Variants in FHIT observed in about 807,000 individuals in gnomAD.
FHIT encodes bis(5'-adenosyl)-triphosphatase.
FHIT carries 19 observed loss-of-function variants against 17.9 expected under a neutral mutation model. The ratio of observed to expected loss-of-function variants is 1.06; its 90% confidence interval spans 0.74 to 1.56. FHIT has a LOEUF of 1.56. Ranked by LOEUF, FHIT falls within the 40% of genes most tolerant of loss-of-function variation. FHIT has a pLI of 0.00. For missense variants in FHIT, 248 were observed against 189.2 expected (o/e 1.31, Z -1.82); for synonymous variants, 81 against 69.7 (o/e 1.16, Z -0.81).
At chr3:60,034,800 T>G (rs1326052768) in intron 5 of FHIT, among the ~76,000 whole-genome samples, 1 of 152,196 alleles carries the variant, frequency 6.6e-6, no homozygotes, top group Non-Finnish European at 1.5e-5. Flanking sequence ...AGAATGATAT[T>G]AAAGCCCTGG....
intron 4 of FHIT, among the ~76,000 whole-genome samples, chr3:60,664,670 G>A (rs1553692009): frequency 6.7e-6 from 1 of 148,866 alleles, no homozygotes; most frequent in African/African-American, 2.5e-5. Flanking sequence ...ATAGGACTAG[G>A]CTAGGGCTGT....
At chr3:60,650,026 A>G (rs1452538550) in intron 4 of FHIT, among the ~76,000 whole-genome samples, 2 of 152,236 alleles carry the variant, frequency 1.3e-5, no homozygotes, top group Non-Finnish European at 2.9e-5. Flanking sequence ...AATTAATTGT[A>G]GAACTTATCT....
intron 5 of FHIT, among the ~76,000 whole-genome samples, chr3:60,392,670 T>G (rs1043273301): frequency 6.6e-6 from 1 of 152,146 alleles, no homozygotes; most frequent in Non-Finnish European, 1.5e-5. Context: ...CCAAGTGAGA[T>G]TAATGTCCTG....
intron 5 of FHIT, among the ~76,000 whole-genome samples, chr3:60,282,719 C>G (rs144370284): frequency 3.9e-5 from 6 of 152,042 alleles, no homozygotes; most frequent in African/African-American, 1.4e-4. Flanking sequence ...TATGGTAAGT[C>G]TCTCAACTAT....
At chr3:60,818,355 C>CTT (rs1701807727) in intron 4 of FHIT, among the ~76,000 whole-genome samples, 1 of 152,064 alleles carries the variant, frequency 6.6e-6, no homozygotes, top group Non-Finnish European at 1.5e-5. Context: ...GAGCTTCAAT[C>CTT]CTGTTATAGT....
At chr3:60,370,103 T>C (rs1700264975) in intron 5 of FHIT, among the ~76,000 whole-genome samples, 1 of 152,206 alleles carries the variant, frequency 6.6e-6, no homozygotes, top group African/African-American at 2.4e-5. Context: ...TCCTCACACC[T>C]GGTGCCATTT....
At chr3:60,298,259 C>T (rs1708299962) in intron 5 of FHIT, among the ~76,000 whole-genome samples, 1 of 152,070 alleles carries the variant, frequency 6.6e-6, no homozygotes, top group Non-Finnish European at 1.5e-5. Flanking sequence ...AGACCCTCTC[C>T]CCTCCCTAGA....
rs188429494 is a variant in FHIT, at chr3:60,022,925, A to T, written c.104-8773T>A. Among the ~76,000 whole-genome samples the T allele has an allele frequency of 1.4e-4, 21 of 152,296 alleles. 1 individual carries two copies. The highest frequency in any genetic ancestry group is 1.4e-3 in the Admixed American group (21 of 15,296). On this transcript the variant is annotated intron_variant, in intron 5 of 9. Coordinates refer to ENST00000492590, the MANE Select transcript of FHIT (RefSeq NM_002012.4). Reference sequence around the variant, plus strand: ...GTTATGAAAATCTATTATTATTGTTATTGTCCTAGAGATATACAGAAGTGT... The same window carrying T: ...GTTATGAAAATCTATTATTATTGTTTTTGTCCTAGAGATATACAGAAGTGT...
chr3:59,999,400 C>G (rs1045233381), intron 7 of FHIT, among the ~76,000 whole-genome samples: 2 of 152,144 alleles, frequency 1.3e-5, no homozygotes, highest in African/African-American at 4.8e-5. Flanking sequence ...TTAAGCTCTT[C>G]TAGGGCCATT....
At chr3:60,659,114 C>G (rs1422500599) in intron 4 of FHIT, among the ~76,000 whole-genome samples, 3 of 151,944 alleles carry the variant, frequency 2.0e-5, no homozygotes, top group African/African-American at 7.2e-5. Context: ...GCATTCTGGA[C>G]TCCTACATTT....
chr3:60,592,846 G>T (rs915850355), intron 4 of FHIT, among the ~76,000 whole-genome samples: 1 of 152,234 alleles, frequency 6.6e-6, no homozygotes, highest in Middle Eastern at 3.4e-3. Flanking sequence ...AGTGAGTAGA[G>T]CCTCCGTGAG....
At chr3:60,850,478 C>T (rs1399829505) in intron 3 of FHIT, among the ~76,000 whole-genome samples, 3 of 152,078 alleles carry the variant, frequency 2.0e-5, no homozygotes, top group Non-Finnish European at 4.4e-5. Flanking sequence ...CCAACTCACT[C>T]CATTACATTA....
At chr3:60,713,000 G>A (rs28748014) in intron 4 of FHIT, among the ~76,000 whole-genome samples, 136,245 of 149,946 alleles carry the variant, frequency 0.91, 62,695 homozygotes, top group East Asian at 1. Context: ...CACCACACCT[G>A]TTCTAAAATT....
At chr3:60,503,755 T>C (rs951489542) in intron 5 of FHIT, among the ~76,000 whole-genome samples, 2 of 152,174 alleles carry the variant, frequency 1.3e-5, no homozygotes, top group Admixed American at 6.5e-5. Context: ...TCATACTATA[T>C]GTAGAGTAGT....
intron 3 of FHIT, among the ~76,000 whole-genome samples, chr3:60,900,996 G>A (rs1553763057): frequency 6.6e-6 from 1 of 152,068 alleles, no homozygotes; most frequent in Non-Finnish European, 1.5e-5. Context: ...CAGGCTAGGG[G>A]ACAAAGTAAT....
intron 4 of FHIT, among the ~76,000 whole-genome samples, chr3:60,603,198 A>C (rs1457595717): frequency 6.6e-6 from 1 of 152,178 alleles, no homozygotes; most frequent in Non-Finnish European, 1.5e-5. Context: ...CAACTTTTGA[A>C]TGTTTTTATA....
chr3:60,351,814 C>T (rs1366810578), intron 5 of FHIT, among the ~76,000 whole-genome samples: 1 of 152,164 alleles, frequency 6.6e-6, no homozygotes, highest in East Asian at 1.9e-4. Context: ...CCTAACACAA[C>T]AAAATCACTT....
At chr3:61,064,866 T>C (rs985715487) in intron 2 of FHIT, among the ~76,000 whole-genome samples, 1 of 152,172 alleles carries the variant, frequency 6.6e-6, no homozygotes, top group Admixed American at 6.5e-5. Flanking sequence ...TACCCACAAC[T>C]GATATGCATG....
intron 5 of FHIT, among the ~76,000 whole-genome samples, chr3:60,163,323 C>T (rs1266853152): frequency 1.3e-5 from 2 of 152,100 alleles, no homozygotes; most frequent in African/African-American, 4.8e-5. Context: ...GTAGGTACTA[C>T]CTTTACCCAC....
Sources: allele counts gnomAD v4.1 joint callset (sites outside exome capture counted in the v4.1 genomes callset), GRCh38; gene constraint gnomAD v4.1.1; transcripts MANE v1.5; gene names NCBI Gene and HGNC (gene_info 2026-07-23, HGNC 2026-07-21).